GTF2A2: variants seen among roughly 807,000 people sequenced by gnomAD.
GTF2A2 encodes general transcription factor IIA subunit 2, also known as transcription initiation factor IIA subunit 2.
A neutral mutation model predicts 14.3 loss-of-function variants in GTF2A2; 9 were observed. The ratio of observed to expected loss-of-function variants is 0.63; its 90% CI spans 0.38 to 1.10. GTF2A2 has a LOEUF of 1.10. Ranked by LOEUF, GTF2A2 falls within the 50% of genes least tolerant of loss-of-function variation. GTF2A2 has a pLI of 0.01. For synonymous variants in GTF2A2, 56 were observed against 46.0 expected, an observed-to-expected ratio of 1.22 and a Z score of -0.88; for missense variants, 90 against 124.6, an observed-to-expected ratio of 0.72 and a Z score of 1.32.
At chr15:59,654,050 G>A (rs141384067) in intron 1 of GTF2A2, among the ~76,000 whole-genome samples, 29 of 152,212 alleles carry the variant, frequency 1.9e-4, no homozygotes, top group African/African-American at 3.6e-4. Context: ...ATAACTCATG[G>A]TCTCCTTATT....
At position 59,638,188 on chromosome 15, in the gene GTF2A2, G is replaced by T. The variant is rs12148540; in HGVS notation, c.*944C>A. 6.6e-6 allele frequency: 1 copy of T among 152,194 alleles called. No individual in the cohort carries two copies. Among genetic ancestry groups the T allele is most frequent in the African/African-American group, 2.4e-5 (1 of 41,434 alleles). The allele number at this position is 152,194 out of a possible 1,614,324, so 9.4% of individuals were successfully genotyped here. A position where few individuals can be genotyped will look rare whatever the true frequency, so the allele number is the denominator to read the frequency against. On this transcript the variant is annotated 3_prime_UTR_variant, in exon 5 of 5. Coordinates refer to ENST00000396060, the MANE Select transcript of GTF2A2 (RefSeq NM_004492.3). ...TAAAGTACTGGGATTACTTACAGGT[G>T]TGAGCCACCAGTACCTAGCCAAAGT... is the stretch of plus-strand genomic sequence containing the variant.
At chr15:59,646,885 T>C (rs1891625374) in intron 3 of GTF2A2, among the ~76,000 whole-genome samples, 1 of 151,936 alleles carries the variant, frequency 6.6e-6, no homozygotes, top group African/African-American at 2.4e-5. Context: ...AATAAGCTTT[T>C]CTGTATATAA....
At chr15:59,642,966 C>G (rs1310568529) in intron 3 of GTF2A2, among the ~76,000 whole-genome samples, 1 of 151,908 alleles carries the variant, frequency 6.6e-6, no homozygotes, top group Non-Finnish European at 1.5e-5. Flanking sequence ...GGTGTTTCAC[C>G]ATGTTGGCCA....
chr15:59,643,494 G>C (rs1307612879), intron 3 of GTF2A2, among the ~76,000 whole-genome samples: 1 of 151,774 alleles, frequency 6.6e-6, no homozygotes, highest in East Asian at 1.9e-4. Flanking sequence ...TGAGATTACA[G>C]GCGTGAGCCA....
intron 3 of GTF2A2, among the ~76,000 whole-genome samples, chr15:59,648,401 C>A (rs867017845): frequency 8.7e-3 from 783 of 90,466 alleles, no homozygotes; most frequent in Middle Eastern, 0.015. Flanking sequence ...GACTTCGTCT[C>A]AAAAAAAAAA....
intron 3 of GTF2A2, among the ~76,000 whole-genome samples, chr15:59,650,296 G>A (rs541192252): frequency 5.7e-4 from 87 of 152,286 alleles, no homozygotes; most frequent in African/African-American, 1.9e-3. Context: ...TCCCTGGAAC[G>A]GGGAAAGGCC....
chr15:59,640,045 C>T (rs1360942371), intron 4 of GTF2A2: 2 of 152,370 alleles, frequency 1.3e-5, no homozygotes, highest in African/African-American at 2.4e-5. Flanking sequence ...GCCACTGCAC[C>T]TGGCCTACTG....
chr15:59,640,330 T>G (rs1891368482), intron 4 of GTF2A2: 2 of 152,220 alleles, frequency 1.3e-5, no homozygotes, highest in Admixed American at 1.3e-4. Context: ...TATCTTTACA[T>G]GGATTCTTTG....
chr15:59,651,944 A>G, intron 2 of GTF2A2: 1 of 298,388 alleles, frequency 3.4e-6, no homozygotes. Flanking sequence ...TTGTCCTCCT[A>G]AAGTGCTGGG....
At chr15:59,649,242 T>C (rs1335369226) in intron 3 of GTF2A2, among the ~76,000 whole-genome samples, 2 of 152,182 alleles carry the variant, frequency 1.3e-5, no homozygotes, top group African/African-American at 2.4e-5. Context: ...GTTAGAATAG[T>C]AGCAGCAGGA....
chr15:59,646,781 C>T (rs770625954), intron 3 of GTF2A2, among the ~76,000 whole-genome samples: 3 of 152,008 alleles, frequency 2.0e-5, no homozygotes, highest in East Asian at 1.9e-4. Context: ...ACATTAGCTA[C>T]GTAACTTCTG....
intron 3 of GTF2A2, among the ~76,000 whole-genome samples, chr15:59,648,216 G>T (rs1891670617): frequency 6.6e-6 from 1 of 151,806 alleles, no homozygotes; most frequent in South Asian, 2.1e-4. Flanking sequence ...AGACCAGCCT[G>T]GCCAACATAG....
intron 3 of GTF2A2, among the ~76,000 whole-genome samples, chr15:59,643,271 G>T (rs1203850541): frequency 1.3e-5 from 2 of 151,260 alleles, no homozygotes; most frequent in African/African-American, 4.9e-5. Flanking sequence ...GTAGAGACAG[G>T]GTTTCACCAC....
chr15:59,648,286 T>C (rs906966128), intron 3 of GTF2A2, among the ~76,000 whole-genome samples: 11 of 150,528 alleles, frequency 7.3e-5, no homozygotes, highest in African/African-American at 1.5e-4. Flanking sequence ...CGTGTGCCTG[T>C]AATCCCAGCT....
At chr15:59,641,430 A>AC (rs1480758992) in intron 4 of GTF2A2, among the ~76,000 whole-genome samples, 1 of 152,168 alleles carries the variant, frequency 6.6e-6, no homozygotes, top group Non-Finnish European at 1.5e-5. Context: ...GGAGGGGGTT[A>AC]CTTTCTACAT....
In GTF2A2 at chr15:59,642,214, G is replaced by C; in HGVS notation, c.226C>G (p.Leu76Val). Residue 76 changes from leucine (L) to valine (V), a missense_variant, in exon 4 of 5, where the codon CTG (leucine) becomes GTG (valine). Transcript: ENST00000396060. ...RFCDNVWTFV[L>V]NDVEFREVTE... ...ACCTCTCTGAATTCAACATCATTCA[G>C]TACAAAAGTCCACACATTATCGCAG... The C allele has an allele frequency of 6.2e-7, 1 of 1,610,298 alleles. No homozygotes were observed. The highest frequency in any genetic ancestry group is 8.5e-7 in the Non-Finnish European group (1 of 1,177,692).
rs553427455 is a variant in GTF2A2, at chr15:59,641,669, T to C, written c.304+467A>G. Among the ~76,000 whole-genome samples the C allele has an allele frequency of 2.0e-5, 3 of 152,314 alleles. No individual in the cohort carries two copies. The East Asian group carries it at 5.8e-4, about 29-fold the overall frequency. On this transcript the variant is annotated intron_variant, in intron 4 of 4. Coordinates refer to ENST00000396060, the MANE Select transcript of GTF2A2 (RefSeq NM_004492.3). Reference sequence around the variant, plus strand: ...CCTAGGTCTGGTGTGAAAAGTTCACTTGCACATGTCATATTTAACAGATTA... The same window carrying C: ...CCTAGGTCTGGTGTGAAAAGTTCACCTGCACATGTCATATTTAACAGATTA...
chr15:59,652,090 G>A lies in GTF2A2; in HGVS notation c.72+116C>T, dbSNP rs1307910562. The A allele has an allele frequency of 1.2e-5, 8 of 653,322 alleles. No individual in the cohort carries two copies. In the Admixed American group the frequency reaches 2.2e-4, roughly 18 times the overall value. The allele number at this position is 653,322 out of a possible 1,614,324, so 40.5% of individuals were successfully genotyped here. On this transcript the variant is annotated intron_variant, in intron 2 of 4. Transcript: ENST00000396060. ...GTAATTTAATCAGTGTTACTGACTTGCTGGGTCAAATAGTCCAAGATATTT... is the reference window on the plus strand; with the variant it reads ...GTAATTTAATCAGTGTTACTGACTTACTGGGTCAAATAGTCCAAGATATTT...
At chr15:59,648,709 C>T (rs1165740527) in intron 3 of GTF2A2, among the ~76,000 whole-genome samples, 8 of 151,980 alleles carry the variant, frequency 5.3e-5, no homozygotes, top group Admixed American at 2.6e-4. Context: ...TCGAGGTGGG[C>T]AGATCACGAG....
Sources: allele counts gnomAD v4.1 joint callset (sites outside exome capture counted in the v4.1 genomes callset), GRCh38; gene constraint gnomAD v4.1.1; transcripts MANE v1.5; gene names NCBI Gene and HGNC (gene_info 2026-07-23, HGNC 2026-07-21).